Variants in PUM2 observed in about 807,000 individuals in gnomAD.
PUM2 encodes pumilio RNA binding family member 2.
A neutral mutation model predicts 124.5 loss-of-function variants in PUM2; 57 were observed. That is an observed-to-expected ratio of 0.46 (90% CI 0.37 to 0.57). The LOEUF (loss-of-function observed/expected upper bound fraction) is 0.57, where lower values mean the gene tolerates loss of function less well. Among genes scored for constraint, PUM2 ranks in the 20% least tolerant of loss-of-function variants. The probability of loss-of-function intolerance (pLI) is 0.00; values close to 1 mark genes in which losing one functional copy is unlikely to be tolerated. For missense variants in PUM2, 1,065 were observed against 1,290.6 expected, an observed-to-expected ratio of 0.83 and a Z score of 2.68; for synonymous variants, 460 against 446.1, an observed-to-expected ratio of 1.03 and a Z score of -0.39.
chr2:20,270,055 C>G (rs553331807), intron 13 of PUM2, among the ~76,000 whole-genome samples: 8 of 152,168 alleles, frequency 5.3e-5, no homozygotes, highest in African/African-American at 1.9e-4. Context: ...AATTTTTTAT[C>G]TTTAGTGAAA....
chr2:20,278,840 A>G (rs1434032833), intron 12 of PUM2, 21 bp from the exon 13 acceptor site: 1 of 1,577,538 alleles, frequency 6.3e-7, no homozygotes, highest in Non-Finnish European at 8.7e-7. Context: ...AATAAAAAAA[A>G]CCCTAATTAC....
intron 1 of PUM2, among the ~76,000 whole-genome samples, chr2:20,340,172 T>C (rs996658829): frequency 7.9e-5 from 12 of 152,190 alleles, no homozygotes; most frequent in Non-Finnish European, 1.2e-4. Context: ...TAAAAAAAAA[T>C]CTGTCATTAC....
intron 3 of PUM2, 34 bp downstream of exon 3, chr2:20,318,503 A>G: frequency 6.5e-7 from 1 of 1,537,512 alleles, no homozygotes; most frequent in Non-Finnish European, 8.9e-7. Flanking sequence ...TGCTAAATAT[A>G]TTCACAATTC....
chr2:20,317,084 C>A (rs1427064931), intron 3 of PUM2, among the ~76,000 whole-genome samples: 1 of 151,892 alleles, frequency 6.6e-6, no homozygotes, highest in Non-Finnish European at 1.5e-5. Context: ...GTAGTCCTAG[C>A]TACTCAGGAA....
chr2:20,308,633 A>G (rs746906482), intron 5 of PUM2, 49 bp from the exon 6 acceptor site: 2 of 1,502,934 alleles, frequency 1.3e-6, no homozygotes, highest in African/African-American at 2.8e-5. Flanking sequence ...AACAAGTCAA[A>G]TAGCGAAATG....
At chr2:20,299,300 T>C (rs373212366) in intron 7 of PUM2, among the ~76,000 whole-genome samples, 1 of 152,020 alleles carries the variant, frequency 6.6e-6, no homozygotes, top group Non-Finnish European at 1.5e-5. Context: ...CTGCTTGGTG[T>C]GTGGAGAAAA....
At chr2:20,256,288 A>T in intron 16 of PUM2, 118 bp from the exon 17 acceptor site, 18 of 913,942 alleles carry the variant, frequency 2.0e-5, no homozygotes, top group Non-Finnish European at 2.6e-5. Flanking sequence ...TCTCAGTATT[A>T]AAAATACTGA....
chr2:20,338,761 T>G (rs1433826154), intron 1 of PUM2, among the ~76,000 whole-genome samples: 1 of 152,178 alleles, frequency 6.6e-6, no homozygotes, highest in Non-Finnish European at 1.5e-5. Flanking sequence ...ATATTCCAGG[T>G]TATTACATGA....
In PUM2 at chr2:20,308,460, C is replaced by A. The variant is rs1416925520; in HGVS notation, c.643G>T (p.Glu215Ter). The A allele has an allele frequency of 1.2e-6, 2 of 1,613,970 alleles. No homozygotes were observed. Among genetic ancestry groups the A allele is most frequent in the Non-Finnish European group, 8.5e-7 (1 of 1,180,000 alleles). Reference protein sequence around the residue: ...NPTANKPLVEEFSNPETQNLD... With the variant: ...NPTANKPLVE ...TTCTGAGTTTCAGGATTTGAAAATT[C>A]TTCAACAAGTGGTTTATTAGCTGTA... The change falls in exon 6 of 21, where the codon GAA becomes TAA. Residue 215 changes from glutamate to a stop codon, truncating the protein, a stop_gained. Coordinates refer to ENST00000361078, the MANE Select transcript of PUM2 (RefSeq NM_015317.5). LOFTEE classifies it high-confidence loss of function.
chr2:20,322,290 C>T (rs1682566859), intron 2 of PUM2, among the ~76,000 whole-genome samples: 1 of 152,034 alleles, frequency 6.6e-6, no homozygotes, highest in African/African-American at 2.4e-5. Context: ...AAGAACAGAT[C>T]CTCAAAACTA....
intron 1 of PUM2, among the ~76,000 whole-genome samples, chr2:20,329,605 T>C (rs1684469643): frequency 6.6e-6 from 1 of 152,112 alleles, no homozygotes; most frequent in Admixed American, 6.6e-5. Flanking sequence ...TAGAGCAGCT[T>C]TTGAGAAATG....
intron 1 of PUM2, among the ~76,000 whole-genome samples, chr2:20,331,228 G>GA (rs1490886099): frequency 2.6e-5 from 4 of 152,046 alleles, no homozygotes; most frequent in Admixed American, 6.6e-5. Context: ...TAGGGGATGA[G>GA]AAACTTTTGA....
intron 7 of PUM2, among the ~76,000 whole-genome samples, chr2:20,307,309 C>A (rs945760573): frequency 6.6e-6 from 1 of 152,134 alleles, no homozygotes; most frequent in Non-Finnish European, 1.5e-5. Context: ...GGAAAGACAA[C>A]CCCCTTCCAT....
Position 20,329,967 on chromosome 2 carries a change from T to C in PUM2, c.-18-2589A>G, listed in dbSNP as rs182803830. On this transcript the variant is annotated intron_variant, in intron 1 of 20. Coordinates refer to ENST00000361078, the MANE Select transcript of PUM2 (RefSeq NM_015317.5). ...ATTTAGTGAGAGTCAAATCTACAGA[T>C]TCAAGAAGCCCCATGGACACCAGAG... Among the ~76,000 whole-genome samples, 9 of 151,462 alleles carry C rather than the reference T, an allele frequency of 5.9e-5. No individual in the cohort carries two copies. In the East Asian group the frequency reaches 1.6e-3, roughly 26 times the overall value.
chr2:20,262,173 G>A (rs996797841), intron 14 of PUM2, among the ~76,000 whole-genome samples: 6 of 152,180 alleles, frequency 3.9e-5, no homozygotes, highest in Non-Finnish European at 8.8e-5. Context: ...TAGTTGAAGT[G>A]TACAGTGTTT....
rs761103124 is a variant in PUM2 at position 20,311,510 on chromosome 2, C to T, written c.502G>A (p.Asp168Asn). 2.5e-6 allele frequency: 4 copies of T among 1,606,776 alleles called. No individual in the cohort carries two copies. The highest frequency in any genetic ancestry group is 2.2e-5 in the East Asian group (1 of 44,802). ...GRGLPNGMDA[D>N]CKDFNRTPGS... ...AAATCTTACTTAAAATCTTTGCAATCGGCATCCATTCCATTTGGCAAACCT... is the reference window on the plus strand; with the variant it reads ...AAATCTTACTTAAAATCTTTGCAATTGGCATCCATTCCATTTGGCAAACCT... The change falls in exon 5 of 21, where the codon GAT becomes AAT. Residue 168 changes from aspartate (D) to asparagine (N), a missense_variant. Transcript: ENST00000361078.
intron 14 of PUM2, among the ~76,000 whole-genome samples, chr2:20,261,394 CAAA>C (rs200294801): frequency 5.1e-4 from 39 of 76,722 alleles, no homozygotes; most frequent in Non-Finnish European, 7.9e-4. Flanking sequence ...ACTCTGTCTC[CAAA>C]AAAAAAAAAA....
At chr2:20,336,187 T>C (rs1685975566) in intron 1 of PUM2, among the ~76,000 whole-genome samples, 1 of 143,162 alleles carries the variant, frequency 7.0e-6, no homozygotes, top group South Asian at 2.2e-4. Flanking sequence ...GTTTTTTTGT[T>C]TTTTTGTTTG....
At chr2:20,275,410 C>G (rs1670012388) in intron 13 of PUM2, among the ~76,000 whole-genome samples, 1 of 151,988 alleles carries the variant, frequency 6.6e-6, no homozygotes, top group African/African-American at 2.4e-5. Flanking sequence ...CTGACTCTTA[C>G]ATGAACTGTC....
Sources: gnomAD v4.1 joint callset for allele counts (sites outside exome capture counted in the v4.1 genomes callset) on GRCh38, gnomAD v4.1.1 for gene constraint, MANE v1.5 for transcripts, NCBI Gene and HGNC (gene_info 2026-07-23, HGNC 2026-07-21) for gene names.